The following CCDC149 variants were observed in gnomAD, a reference collection of about 807,000 sequenced individuals.
CCDC149 encodes coiled-coil domain-containing protein 149.
A neutral mutation model predicts 59.9 loss-of-function variants in CCDC149; 45 were observed. The observed-to-expected ratio is 0.75, with a 90% CI of 0.59 to 0.96. The LOEUF (loss-of-function observed/expected upper bound fraction) is 0.96. Ranked by LOEUF, CCDC149 falls within the 40% of genes least tolerant of loss-of-function variation. The pLI, the probability that CCDC149 is intolerant of heterozygous loss-of-function variation, is 0.00. For synonymous variants in CCDC149, 245 were observed against 260.6 expected (o/e 0.94, Z 0.58); for missense variants, 584 against 664.7 (o/e 0.88, Z 1.33).
In CCDC149 at chr4:24,837,468, GCC is replaced by G; in HGVS notation, c.490-70_490-69del. On this transcript the variant is annotated intron_variant, in intron 5 of 12. Transcript: ENST00000635206. The surrounding 1 kb of genome is among the most constrained non-coding windows in gnomAD (Gnocchi z 4.3). ...CTCCAGCTTTATGGCCAGAGATGGA[GCC>G]TCCCACTTGGTTGACTGATTTTTAG... 1.3e-6 allele frequency: 2 copies of G among 1,510,960 alleles called. No individual in the cohort carries two copies. The highest frequency in any genetic ancestry group is 3.5e-4 in the Middle Eastern group (2 of 5,686). 93.6% of individuals were successfully genotyped at this position (1,510,960 alleles called of 1,614,324 possible).
At chr4:24,882,574 A>G (rs757235732) in intron 1 of CCDC149, among the ~76,000 whole-genome samples, 10 of 152,198 alleles carry the variant, frequency 6.6e-5, no homozygotes, top group Non-Finnish European at 1.2e-4. Context: ...AAAACTGAAA[A>G]TGTGTTCCTA....
In CCDC149 at chr4:24,844,512, C is replaced by A. The variant is rs143032539; in HGVS notation, c.373-6240G>T. On this transcript the variant is annotated intron_variant, in intron 4 of 12. Transcript: ENST00000635206. ...GCCGGGCCAGGCATGGTGGCTGACA[C>A]CTGTAATCCCAGCACTTTGGGAGGC... 6.4e-3 allele frequency among the ~76,000 whole-genome samples: 978 copies of A among 152,236 alleles called. 5 individuals carry two copies. The highest frequency in any genetic ancestry group is 0.022 in the African/African-American group (920 of 41,538).
rs3066508 is a variant in CCDC149, at chr4:24,893,613, C to CTTTTTTTTTTTTTTTTTTTT, written c.64-16936_64-16917dup. On this transcript the variant is annotated intron_variant, in intron 1 of 12. Coordinates refer to ENST00000635206, the MANE Select transcript of CCDC149 (RefSeq NM_001330643.2). ...CTTCTAGCACAATCTAAAATACAGACTTTTTTTTTTTTTTTTTTTTTGAGA... is the reference window on the plus strand; with the variant it reads ...CTTCTAGCACAATCTAAAATACAGACTTTTTTTTTTTTTTTTTTTTTTTTTTTTTTTTTTTTTTTTTGAGA... Among the ~76,000 whole-genome samples, 193 of 65,876 alleles carry CTTTTTTTTTTTTTTTTTTTT rather than the reference C, an allele frequency of 2.9e-3. 63 individuals are homozygous for CTTTTTTTTTTTTTTTTTTTT. The highest frequency in any genetic ancestry group is 7.9e-3 in the Admixed American group (26 of 3,282). The allele number at this position is 65,876 out of a possible 152,430, so 43.2% of individuals were successfully genotyped here.
intron 1 of CCDC149, among the ~76,000 whole-genome samples, chr4:24,904,274 T>C (rs1419702883): frequency 1.3e-5 from 2 of 152,230 alleles, no homozygotes; most frequent in Non-Finnish European, 2.9e-5. Flanking sequence ...CATTAATTCA[T>C]GAGTACAAAA....
chr4:24,825,517 T>C (rs1329956854), intron 9 of CCDC149, among the ~76,000 whole-genome samples: 1 of 152,048 alleles, frequency 6.6e-6, no homozygotes, highest in African/African-American at 2.4e-5. Flanking sequence ...TTCACGCCTG[T>C]AATCCCAGCA....
intron 9 of CCDC149, chr4:24,829,988 A>T (rs1223065706): frequency 6.5e-6 from 1 of 152,756 alleles, no homozygotes; most frequent in Non-Finnish European, 1.5e-5. Flanking sequence ...GAGGTTGAAG[A>T]GGGTGAGACA....
In CCDC149 at chr4:24,841,178, A is replaced by C. The variant is rs149555408; in HGVS notation, c.373-2906T>G. 2.0e-3 allele frequency among the ~76,000 whole-genome samples: 304 copies of C among 152,308 alleles called. 3 individuals carry two copies. Among genetic ancestry groups the C allele is most frequent in the African/African-American group, 6.7e-3 (277 of 41,562 alleles). ...AACAAGAAAACTCCTGCCTTTCAGTATGAGGCCAACAGGAGGCTCAGGTCG... is the reference window on the plus strand; with the variant it reads ...AACAAGAAAACTCCTGCCTTTCAGTCTGAGGCCAACAGGAGGCTCAGGTCG... On this transcript the variant is annotated intron_variant, in intron 4 of 12. Coordinates refer to ENST00000635206, the MANE Select transcript of CCDC149 (RefSeq NM_001330643.2).
At chr4:24,897,421 G>T (rs1720906333) in intron 1 of CCDC149, among the ~76,000 whole-genome samples, 1 of 152,124 alleles carries the variant, frequency 6.6e-6, no homozygotes, top group Admixed American at 6.6e-5. Flanking sequence ...GCTGACGGGA[G>T]CTATGGAGGT....
intron 1 of CCDC149, among the ~76,000 whole-genome samples, chr4:24,937,253 G>T (rs531748985): frequency 5.6e-4 from 86 of 152,290 alleles, no homozygotes; most frequent in African/African-American, 2.0e-3. Context: ...AGGTACAGTG[G>T]TATTCCTTTT....
chr4:24,956,511 A>G (rs1039468048), intron 1 of CCDC149, among the ~76,000 whole-genome samples: 2 of 152,178 alleles, frequency 1.3e-5, no homozygotes, highest in Admixed American at 6.5e-5. Context: ...AGCTCTCCCC[A>G]GTATGCACCC....
intron 12 of CCDC149, among the ~76,000 whole-genome samples, chr4:24,818,492 C>T (rs34676227): frequency 0.12 from 18,147 of 152,234 alleles, 1,245 homozygotes; most frequent in Admixed American, 0.16. Flanking sequence ...TAACGAATTA[C>T]ATCAAACCTA....
intron 1 of CCDC149, among the ~76,000 whole-genome samples, chr4:24,895,917 C>T (rs970719184): frequency 2.0e-5 from 3 of 152,154 alleles, no homozygotes; most frequent in Non-Finnish European, 4.4e-5. Context: ...AACCAGACCC[C>T]AAAAGTCTCC....
intron 1 of CCDC149, among the ~76,000 whole-genome samples, chr4:24,972,654 A>G (rs1363006226): frequency 1.3e-5 from 2 of 152,034 alleles, no homozygotes; most frequent in Non-Finnish European, 2.9e-5. Flanking sequence ...GGAGTCACAC[A>G]CTACAAACTG....
chr4:24,907,724 A>G (rs763725171), intron 1 of CCDC149, among the ~76,000 whole-genome samples: 1 of 152,220 alleles, frequency 6.6e-6, no homozygotes, highest in East Asian at 1.9e-4. Flanking sequence ...AAGGGCTGCC[A>G]TAACAAATTA....
intron 1 of CCDC149, among the ~76,000 whole-genome samples, chr4:24,921,125 T>C (rs957887469): frequency 2.0e-5 from 3 of 152,238 alleles, no homozygotes; most frequent in South Asian, 2.1e-4. Context: ...AAATGTTTGT[T>C]GAGCTCAATT....
chr4:24,936,297 G>A lies in CCDC149; in HGVS notation c.-64-41179C>T, dbSNP rs536740582. 1.4e-4 allele frequency among the ~76,000 whole-genome samples: 21 copies of A among 146,694 alleles called. No individual in the cohort carries two copies. The South Asian group carries it at 4.6e-3, about 32-fold the overall frequency. On this transcript the variant is annotated intron_variant, in intron 1 of 12. Transcript: ENST00000389609. Reference sequence around the variant, plus strand: ...TTTTGAGGTTTTCTTTTTAAGATGGGCAATATTGCCACATATTTTTATAAT... The same window carrying A: ...TTTTGAGGTTTTCTTTTTAAGATGGACAATATTGCCACATATTTTTATAAT...
At chr4:24,808,939 TTTTTG>T in intron 12 of CCDC149, 120 bp from the exon 13 acceptor site, 1 of 970,744 alleles carries the variant, frequency 1.0e-6, no homozygotes, top group Non-Finnish European at 1.5e-6. Context: ...GAGCAAGACT[TTTTTG>T]GCTCCCTGTG....
downstream of CCDC149, among the ~76,000 whole-genome samples, chr4:24,804,308 T>C (rs549930407): frequency 8.6e-5 from 13 of 151,984 alleles, no homozygotes; most frequent in African/African-American, 1.2e-4. Context: ...CTGGTCAACA[T>C]AGTGAAACCC....
intron 1 of CCDC149, among the ~76,000 whole-genome samples, chr4:24,902,670 A>T (rs1042201866): frequency 6.6e-6 from 1 of 152,162 alleles, no homozygotes; most frequent in South Asian, 2.1e-4. Flanking sequence ...ATTAGTGTCT[A>T]AGATCTATTG....
Sources: allele counts gnomAD v4.1 joint callset (sites outside exome capture counted in the v4.1 genomes callset), GRCh38; gene constraint gnomAD v4.1.1; non-coding constraint Gnocchi (gnomAD v3.1); transcripts MANE v1.5; gene names NCBI Gene and HGNC (gene_info 2026-07-23, HGNC 2026-07-21).